The following TENT5D variants were observed in gnomAD, a reference collection of about 807,000 sequenced individuals.
The protein encoded by TENT5D is cancer/testis antigen 112.
For synonymous variants in TENT5D, 103 were observed against 100.6 expected (o/e 1.02, Z -0.15); for missense variants, 191 against 287.0 (o/e 0.67, Z 2.42).
At chrX:80,365,984 T>C (rs751244878) in intron 3 of TENT5D, among the ~76,000 whole-genome samples, 2 of 111,620 alleles carry the variant, frequency 1.8e-5, no homozygotes, top group South Asian at 3.8e-4. Context: ...GTAATAGTAA[T>C]AGTAGTTGTT....
chrX:80,397,851 G>A (rs1306017774), intron 3 of TENT5D, among the ~76,000 whole-genome samples: 1 of 111,999 alleles, frequency 8.9e-6, no homozygotes, highest in Non-Finnish European at 1.9e-5. Context: ...ATCAGGCAGG[G>A]AGGTTGCAGT....
At chrX:80,444,420 A>T (rs1932348481) in exon 3 of TENT5D, 1 of 122,488 alleles carries the variant, frequency 8.2e-6, no homozygotes, top group Non-Finnish European at 1.9e-5. Context: ...AATACCATAC[A>T]GCTGTGCAAC....
At chrX:80,362,269 T>C (rs946738907) in intron 3 of TENT5D, among the ~76,000 whole-genome samples, 6 of 111,285 alleles carry the variant, frequency 5.4e-5, no homozygotes, top group African/African-American at 2.0e-4. Flanking sequence ...GTTCACACCA[T>C]TCTCCTGCCT....
At position 80,425,087 on chromosome X, in the gene TENT5D, A is replaced by G. The variant is rs146998033; in HGVS notation, c.-142+4524A>G. ...AGCTTGACTTCTTAAAGGGAAACACATCCTTTTAGTTAAACCCTTGGCAAA... is the reference window on the plus strand; with the variant it reads ...AGCTTGACTTCTTAAAGGGAAACACGTCCTTTTAGTTAAACCCTTGGCAAA... On this transcript the variant is annotated intron_variant, in intron 1 of 2. Coordinates refer to ENST00000308293, the Ensembl canonical transcript of TENT5D. Among the ~76,000 whole-genome samples, 592 of 112,687 alleles carry G rather than the reference A, an allele frequency of 5.3e-3. 1 individual carries two copies. Among genetic ancestry groups the G allele is most frequent in the South Asian group, 9.8e-3 (27 of 2,749 alleles).
chrX:80,362,372 C>G (rs923278473), intron 3 of TENT5D, among the ~76,000 whole-genome samples: 2 of 111,346 alleles, frequency 1.8e-5, no homozygotes, highest in African/African-American at 6.5e-5. Context: ...ACCATGTTAA[C>G]CAGGATGGCC....
chrX:80,415,632 C>G (rs946496738), upstream of TENT5D, among the ~76,000 whole-genome samples: 3 of 111,797 alleles, frequency 2.7e-5, no homozygotes, highest in African/African-American at 6.5e-5. Context: ...CCTTACATCC[C>G]AGGGATAAAG....
chrX:80,376,551 T>C (rs1459232731), intron 3 of TENT5D, among the ~76,000 whole-genome samples: 1 of 111,785 alleles, frequency 8.9e-6, no homozygotes, highest in Non-Finnish European at 1.9e-5. Context: ...AAAAAACTAT[T>C]TTTAAATTGG....
At chrX:80,366,825 A>G (rs965159107) in intron 3 of TENT5D, among the ~76,000 whole-genome samples, 2 of 111,634 alleles carry the variant, frequency 1.8e-5, no homozygotes, top group African/African-American at 6.5e-5. Flanking sequence ...TAGGACTCCA[A>G]GACTATCATA....
upstream of TENT5D, among the ~76,000 whole-genome samples, chrX:80,419,828 A>T (rs1931849395): frequency 9.0e-6 from 1 of 111,470 alleles, no homozygotes; most frequent in Admixed American, 9.5e-5. Flanking sequence ...CTCCTACCTC[A>T]GCCTCCTGAG....
At chrX:80,345,411 G>A (rs1386251323) in intron 3 of TENT5D, among the ~76,000 whole-genome samples, 1 of 111,442 alleles carries the variant, frequency 9.0e-6, no homozygotes, top group Non-Finnish European at 1.9e-5. Context: ...AGTAGGTCTT[G>A]TAACTGGCAA....
intron 3 of TENT5D, among the ~76,000 whole-genome samples, chrX:80,365,072 C>G (rs1347835950): frequency 9.0e-6 from 1 of 110,739 alleles, no homozygotes; most frequent in Non-Finnish European, 1.9e-5. Flanking sequence ...AAGTTTCTTT[C>G]TGGTATGGAG....
chrX:80,361,283 GT>G (rs968942266), intron 3 of TENT5D, among the ~76,000 whole-genome samples: 1 of 111,969 alleles, frequency 8.9e-6, no homozygotes, highest in Admixed American at 9.5e-5. Context: ...GCACAGGTAA[GT>G]TTTGATACAG....
chrX:80,367,780 A>G (rs1930539581), intron 3 of TENT5D, among the ~76,000 whole-genome samples: 1 of 111,912 alleles, frequency 8.9e-6, no homozygotes, highest in African/African-American at 3.2e-5. Context: ...ATTTGTGGGA[A>G]CTAAAACATG....
chrX:80,392,334 A>G (rs1931144652), intron 3 of TENT5D, among the ~76,000 whole-genome samples: 1 of 109,470 alleles, frequency 9.1e-6, no homozygotes, highest in African/African-American at 3.3e-5. Flanking sequence ...AAAGAAACCT[A>G]CAAATCTTTG....
chrX:80,348,720 G>A (rs774250701), intron 3 of TENT5D, among the ~76,000 whole-genome samples: 1 of 111,711 alleles, frequency 9.0e-6, no homozygotes, highest in Non-Finnish European at 1.9e-5. Flanking sequence ...GTGAGAGAGG[G>A]CATCCTTGTC....
chrX:80,389,946 G>A (rs1931094087), intron 3 of TENT5D, among the ~76,000 whole-genome samples: 1 of 111,840 alleles, frequency 8.9e-6, no homozygotes, highest in Non-Finnish European at 1.9e-5. Context: ...TGATACAGTA[G>A]AGTGGGAAAG....
intron 1 of TENT5D, among the ~76,000 whole-genome samples, chrX:80,420,998 A>C (rs1268210416): frequency 8.9e-6 from 1 of 112,255 alleles, no homozygotes; most frequent in East Asian, 2.8e-4. Context: ...GAAGTATTAA[A>C]AGACTATACC....
chrX:80,343,259 A>T (rs903650708), intron 3 of TENT5D, among the ~76,000 whole-genome samples: 3 of 111,722 alleles, frequency 2.7e-5, no homozygotes, highest in African/African-American at 9.8e-5. Flanking sequence ...GAACATTCAG[A>T]GTGGTGCAGT....
intron 3 of TENT5D, among the ~76,000 whole-genome samples, chrX:80,397,094 G>T (rs1217849864): frequency 9.8e-6 from 1 of 102,542 alleles, no homozygotes; most frequent in Non-Finnish European, 2.0e-5. Context: ...CTTCCCAGAC[G>T]GGGTGGTTGC....
Sources: gnomAD v4.1 joint callset for allele counts (sites outside exome capture counted in the v4.1 genomes callset) on GRCh38, gnomAD v4.1.1 for gene constraint, MANE v1.5 for transcripts, NCBI Gene and HGNC (gene_info 2026-07-23, HGNC 2026-07-21) for gene names.